ZNF804A: variants seen among roughly 807,000 people sequenced by gnomAD.
The protein encoded by ZNF804A is zinc finger protein 804A.
In ZNF804A, 2 loss-of-function variants were observed where a neutral mutation model predicts 16.5. The ratio of observed to expected loss-of-function variants is 0.12; its 90% CI spans 0.05 to 0.38. ZNF804A has a LOEUF of 0.38. ZNF804A is among the 10% of genes least tolerant of loss of function. The pLI is 0.99. For synonymous variants in ZNF804A, 534 were observed against 489.6 expected (o/e 1.09, Z -1.20); for missense variants, 1,473 against 1,390.7 (o/e 1.06, Z -0.94).
chr2:184,897,032 T>C (rs1685079957), intron 2 of ZNF804A, among the ~76,000 whole-genome samples: 2 of 152,122 alleles, frequency 1.3e-5, no homozygotes, highest in Non-Finnish European at 2.9e-5. Context: ...GTAAAATTTC[T>C]CATGTTGTAC....
chr2:184,863,179 T>C (rs1695825076), intron 1 of ZNF804A, among the ~76,000 whole-genome samples: 1 of 152,132 alleles, frequency 6.6e-6, no homozygotes, highest in African/African-American at 2.4e-5. Flanking sequence ...CTTAAAAGTT[T>C]AGAAATAATT....
chr2:184,855,572 G>A (rs1188970825), intron 1 of ZNF804A, among the ~76,000 whole-genome samples: 2 of 150,250 alleles, frequency 1.3e-5, no homozygotes, highest in African/African-American at 4.9e-5. Flanking sequence ...TATAGAGAAA[G>A]TATATATATA....
chr2:184,839,488 A>G (rs1695402582), intron 1 of ZNF804A, among the ~76,000 whole-genome samples: 1 of 152,104 alleles, frequency 6.6e-6, no homozygotes, highest in South Asian at 2.1e-4. Flanking sequence ...CTGAAAAATT[A>G]TATTTCTTTA....
chr2:184,704,155 C>CT (rs36103347), intron 1 of ZNF804A, among the ~76,000 whole-genome samples: 72,561 of 145,722 alleles, frequency 0.5, 19,535 homozygotes, highest in East Asian at 0.75. Context: ...TTCAGGAAAT[C>CT]TTTTTTTTTT....
chr2:184,723,514 C>T (rs1246862686), intron 1 of ZNF804A, among the ~76,000 whole-genome samples: 1 of 151,704 alleles, frequency 6.6e-6, no homozygotes, highest in Non-Finnish European at 1.5e-5. Flanking sequence ...ACTATAAATA[C>T]TGAAGCTGAT....
intron 1 of ZNF804A, among the ~76,000 whole-genome samples, chr2:184,856,777 T>C (rs932456966): frequency 1.3e-5 from 2 of 152,058 alleles, no homozygotes; most frequent in African/African-American, 2.4e-5. Flanking sequence ...AAGGACCCAG[T>C]GAATTTTGTA....
intron 2 of ZNF804A, among the ~76,000 whole-genome samples, chr2:184,920,878 C>T (rs552581484): frequency 1.2e-4 from 19 of 152,238 alleles, no homozygotes; most frequent in African/African-American, 4.3e-4. Flanking sequence ...CACAGACAAT[C>T]CTCCCGATGA....
rs73043252 is a variant in ZNF804A at position 184,708,523 on chromosome 2, A to G, written c.111+109453A>G. 7.5e-3 allele frequency among the ~76,000 whole-genome samples: 1,140 copies of G among 152,108 alleles called. 12 individuals are homozygous for G. The highest frequency in any genetic ancestry group is 0.026 in the African/African-American group (1,086 of 41,428). Reference sequence around the variant, plus strand: ...CCTACAGCCTTCTGATCTTCAACAGAGTCAACAAAAATAAGCAATGAGGAA... The same window carrying G: ...CCTACAGCCTTCTGATCTTCAACAGGGTCAACAAAAATAAGCAATGAGGAA... On this transcript the variant is annotated intron_variant, in intron 1 of 3. Coordinates refer to ENST00000302277, the MANE Select transcript of ZNF804A (RefSeq NM_194250.2).
At position 184,878,024 on chromosome 2, in the gene ZNF804A, T is replaced by C. The variant is rs565661634; in HGVS notation, c.255+11512T>C. Among the ~76,000 whole-genome samples, 5 of 152,224 alleles carry C rather than the reference T, an allele frequency of 3.3e-5. No homozygotes were observed. The South Asian group carries it at 8.3e-4, about 25-fold the overall frequency. ...AAGTAGGGATTCTGGACAGAAAGTG[T>C]CTTTTGGGCAACTTTCTCCACACCA... is the stretch of plus-strand genomic sequence containing the variant. On this transcript the variant is annotated intron_variant, in intron 2 of 3. Transcript: ENST00000302277.
At chr2:184,775,259 T>C (rs1694269926) in intron 1 of ZNF804A, among the ~76,000 whole-genome samples, 1 of 151,732 alleles carries the variant, frequency 6.6e-6, no homozygotes, top group East Asian at 1.9e-4. Context: ...TGGGAACTTG[T>C]AGGTTCTTTT....
chr2:184,601,643 ATATTT>A (rs1691048505), intron 1 of ZNF804A, among the ~76,000 whole-genome samples: 1 of 151,876 alleles, frequency 6.6e-6, no homozygotes, highest in African/African-American at 2.4e-5. Flanking sequence ...TTCCAACTTT[ATATTT>A]TATTTTAATA....
intron 1 of ZNF804A, among the ~76,000 whole-genome samples, chr2:184,775,284 G>T (rs909744055): frequency 6.6e-6 from 1 of 151,636 alleles, no homozygotes; most frequent in Non-Finnish European, 1.5e-5. Flanking sequence ...GTGACTTTAT[G>T]ACTATCTTAA....
intron 2 of ZNF804A, 117 bp downstream of exon 2, chr2:184,866,629 T>A (rs921772008): frequency 1.1e-6 from 1 of 899,908 alleles, no homozygotes; most frequent in African/African-American, 1.8e-5. Context: ...CTGTACAGTT[T>A]TGAAATATAT....
intron 1 of ZNF804A, among the ~76,000 whole-genome samples, chr2:184,707,946 A>G (rs1383989025): frequency 6.6e-6 from 1 of 151,982 alleles, no homozygotes; most frequent in Non-Finnish European, 1.5e-5. Flanking sequence ...CCTCATCAGC[A>G]TGTGTTATTT....
chr2:184,877,921 G>A (rs1235110033), intron 2 of ZNF804A, among the ~76,000 whole-genome samples: 1 of 152,076 alleles, frequency 6.6e-6, no homozygotes. Context: ...GAGAGAAGCA[G>A]TTAAGCAAGT....
At chr2:184,912,393 A>G (rs775486144) in intron 2 of ZNF804A, among the ~76,000 whole-genome samples, 6 of 151,912 alleles carry the variant, frequency 3.9e-5, no homozygotes, top group Non-Finnish European at 7.4e-5. Flanking sequence ...GCTGTTGCAG[A>G]TAGTGTTGTT....
At chr2:184,916,816 C>G (rs549550546) in intron 2 of ZNF804A, among the ~76,000 whole-genome samples, 2 of 151,980 alleles carry the variant, frequency 1.3e-5, no homozygotes, top group Admixed American at 6.6e-5. Flanking sequence ...CCACTGCACT[C>G]CAGCCTGGGA....
Position 184,598,559 on chromosome 2 carries a change from A to T in ZNF804A, c.-401A>T, listed in dbSNP as rs1690987923. 6.4e-6 allele frequency: 1 copy of T among 156,628 alleles called. No individual in the cohort carries two copies. Among genetic ancestry groups the T allele is most frequent in the Non-Finnish European group, 1.4e-5 (1 of 71,492 alleles). 9.7% of individuals were successfully genotyped at this position (156,628 alleles called of 1,614,324 possible). Reference sequence around the variant, plus strand: ...CGAGTGCAGGCGCCGAGCGCGGGGGATGCTGCCGCCGCCGCCGCTTCTGCT... The same window carrying T: ...CGAGTGCAGGCGCCGAGCGCGGGGGTTGCTGCCGCCGCCGCCGCTTCTGCT... On this transcript the variant is annotated 5_prime_UTR_variant, in exon 1 of 4. It removes an upstream start codon present in the reference 5' UTR. Coordinates refer to ENST00000302277, the MANE Select transcript of ZNF804A (RefSeq NM_194250.2).
At chr2:184,857,123 C>T (rs978361304) in intron 1 of ZNF804A, among the ~76,000 whole-genome samples, 14 of 151,950 alleles carry the variant, frequency 9.2e-5, no homozygotes, top group African/African-American at 1.7e-4. Flanking sequence ...CAACTTTCCT[C>T]TTTGGATTGC....
Sources: allele counts gnomAD v4.1 joint callset (sites outside exome capture counted in the v4.1 genomes callset), GRCh38; gene constraint gnomAD v4.1.1; transcripts MANE v1.5; gene names NCBI Gene and HGNC (gene_info 2026-07-23, HGNC 2026-07-21).